Variants in GJB7 observed in about 807,000 individuals in gnomAD.
GJB7 encodes the protein gap junction beta-7 protein.
For synonymous variants in GJB7, 87 were observed against 95.2 expected (o/e 0.91, Z 0.50); for missense variants, 253 against 256.8 (o/e 0.99, Z 0.10).
Position 87,283,111 on chromosome 6 carries a change from T to C in GJB7, c.*1130A>G, listed in dbSNP as rs1403985377. ...AGAAAGTTCTAGTCTTCAAAACAAG[T>C]GATAAACTTTTAAAACATTTTTGCA... On this transcript the variant is annotated 3_prime_UTR_variant, in exon 3 of 3. Transcript: ENST00000525899. The C allele has an allele frequency of 6.6e-6, 1 of 152,210 alleles. No individual in the cohort carries two copies. Among genetic ancestry groups the C allele is most frequent in the Non-Finnish European group, 1.5e-5 (1 of 68,026 alleles). 9.4% of individuals were successfully genotyped at this position (152,210 alleles called of 1,614,324 possible).
intron 2 of GJB7, among the ~76,000 whole-genome samples, chr6:87,313,962 G>A (rs921664111): frequency 1.3e-5 from 2 of 152,220 alleles, no homozygotes; most frequent in African/African-American, 2.4e-5. Context: ...ATAATGCTGA[G>A]GGGATGTGGA....
chr6:87,295,986 A>G (rs971631784), intron 2 of GJB7, among the ~76,000 whole-genome samples: 1 of 152,246 alleles, frequency 6.6e-6, no homozygotes, highest in Non-Finnish European at 1.5e-5. Flanking sequence ...ATGTGCCTCC[A>G]GCCCTAATTA....
intron 1 of GJB7, among the ~76,000 whole-genome samples, chr6:87,324,302 G>T (rs567188453): frequency 1.3e-5 from 2 of 152,276 alleles, no homozygotes; most frequent in Non-Finnish European, 2.9e-5. Context: ...TTTTGGCTTT[G>T]GTTGCTATTG....
intron 2 of GJB7, among the ~76,000 whole-genome samples, chr6:87,321,571 G>GT (rs945931627): frequency 4.6e-5 from 7 of 152,070 alleles, no homozygotes; most frequent in African/African-American, 1.7e-4. Flanking sequence ...ATTTTTCAGG[G>GT]TTTTTTTGAG....
intron 2 of GJB7, chr6:87,298,937 CA>C (rs35541288): frequency 1.6e-5 from 7 of 445,606 alleles, no homozygotes; most frequent in Non-Finnish European, 8.9e-6. Flanking sequence ...ACAATAGGGC[CA>C]AAAACAATGA....
At chr6:87,293,623 C>T (rs1229984397) in intron 2 of GJB7, among the ~76,000 whole-genome samples, 6 of 152,154 alleles carry the variant, frequency 3.9e-5, no homozygotes, top group Non-Finnish European at 8.8e-5. Context: ...CAGACTTTAT[C>T]CATGACCTTA....
intron 2 of GJB7, among the ~76,000 whole-genome samples, chr6:87,307,014 G>T (rs886206907): frequency 6.6e-6 from 1 of 152,000 alleles, no homozygotes; most frequent in Non-Finnish European, 1.5e-5. Flanking sequence ...TCACACTCTG[G>T]GGTCTGTTGT....
rs116588426 is a variant in GJB7 at position 87,290,077 on chromosome 6, G to A, written c.-27-5138C>T. Among the ~76,000 whole-genome samples the A allele has an allele frequency of 9.7e-3, 1,472 of 152,292 alleles. 18 individuals are homozygous for A. The highest frequency in any genetic ancestry group is 0.033 in the African/African-American group (1,389 of 41,558). The stretch of plus-strand genomic sequence containing the variant: ...CCTTGGGCACTTGACCATTTATGCA[G>A]CATTTCACAGCATCTCATCCAATGC... On this transcript the variant is annotated intron_variant, in intron 2 of 2. Transcript: ENST00000525899.
At chr6:87,293,172 C>G (rs949411823) in intron 2 of GJB7, among the ~76,000 whole-genome samples, 1 of 152,182 alleles carries the variant, frequency 6.6e-6, no homozygotes, top group Non-Finnish European at 1.5e-5. Context: ...GTGGGGACTA[C>G]AGGCACGCGC....
intron 2 of GJB7, among the ~76,000 whole-genome samples, chr6:87,320,497 A>G (rs564981002): frequency 6.6e-6 from 1 of 152,310 alleles, no homozygotes. Context: ...ATAGGTCTCA[A>G]TCAATTTAGA....
At chr6:87,292,899 A>G (rs1776199009) in intron 2 of GJB7, among the ~76,000 whole-genome samples, 1 of 152,264 alleles carries the variant, frequency 6.6e-6, no homozygotes. Context: ...TGTGATGTCC[A>G]CATCCACAAA....
At chr6:87,316,754 T>G (rs924611302) in intron 2 of GJB7, among the ~76,000 whole-genome samples, 1 of 152,218 alleles carries the variant, frequency 6.6e-6, no homozygotes, top group Admixed American at 6.5e-5. Context: ...CGTGGATGCA[T>G]CTGAGCCTTC....
At chr6:87,323,269 T>C (rs1220514795) in intron 1 of GJB7, among the ~76,000 whole-genome samples, 2 of 57,288 alleles carry the variant, frequency 3.5e-5, no homozygotes, top group African/African-American at 8.2e-5. Flanking sequence ...TGTTTTGTTT[T>C]GTTTATTTAT....
chr6:87,327,900 C>T (rs9344701), intron 1 of GJB7, among the ~76,000 whole-genome samples: 4 of 149,440 alleles, frequency 2.7e-5, no homozygotes, highest in South Asian at 2.1e-4. Flanking sequence ...ACCAATCAGA[C>T]GTAGATTTGG....
intron 2 of GJB7, among the ~76,000 whole-genome samples, chr6:87,316,445 C>T (rs538182142): frequency 1.2e-3 from 185 of 152,266 alleles, no homozygotes; most frequent in African/African-American, 4.3e-3. Flanking sequence ...GGGAGTGATG[C>T]CTCCCCTGAT....
At chr6:87,296,806 T>C (rs1428837996) in intron 2 of GJB7, among the ~76,000 whole-genome samples, 1 of 152,152 alleles carries the variant, frequency 6.6e-6, no homozygotes, top group African/African-American at 2.4e-5. Flanking sequence ...AGATCGTATG[T>C]ATGAATTTAT....
At chr6:87,306,061 A>G (rs1307151986) in intron 2 of GJB7, among the ~76,000 whole-genome samples, 2 of 151,928 alleles carry the variant, frequency 1.3e-5, no homozygotes, top group Non-Finnish European at 2.9e-5. Flanking sequence ...TTAGACCTAA[A>G]ACCATAAAAA....
At chr6:87,288,551 A>G (rs561709245) in intron 2 of GJB7, among the ~76,000 whole-genome samples, 148 of 152,176 alleles carry the variant, frequency 9.7e-4, no homozygotes, top group Non-Finnish European at 1.2e-3. Flanking sequence ...ATCATCTCCA[A>G]TAGGATGTCA....
At chr6:87,324,542 C>G (rs1211966889) in intron 1 of GJB7, among the ~76,000 whole-genome samples, 2 of 150,854 alleles carry the variant, frequency 1.3e-5, no homozygotes, top group Non-Finnish European at 2.9e-5. Flanking sequence ...TTCCCCATTG[C>G]TTGTTTTTCT....
Sources: allele counts gnomAD v4.1 joint callset (sites outside exome capture counted in the v4.1 genomes callset), GRCh38; gene constraint gnomAD v4.1.1; transcripts MANE v1.5; gene names NCBI Gene and HGNC (gene_info 2026-07-23, HGNC 2026-07-21).